DCUN1D2: variants seen among roughly 807,000 people sequenced by gnomAD.
DCUN1D2 encodes DCN1-like protein 2.
In DCUN1D2, 29 loss-of-function variants were observed where a neutral mutation model predicts 30.9. The observed-to-expected ratio is 0.94, with a 90% CI of 0.70 to 1.28. DCUN1D2 has a LOEUF of 1.28. Ranked by LOEUF, DCUN1D2 falls within the 50% of genes most tolerant of loss-of-function variation. The probability of loss-of-function intolerance (pLI) is 0.00; values close to 1 mark genes in which losing one functional copy is unlikely to be tolerated. For synonymous variants in DCUN1D2, 121 were observed against 115.3 expected, an observed-to-expected ratio of 1.05 and a Z score of -0.32; for missense variants, 325 against 316.9, an observed-to-expected ratio of 1.03 and a Z score of -0.19.
chr13:113,459,271 T>G, intron 6 of DCUN1D2, 41 bp downstream of exon 6: 1 of 1,097,740 alleles, frequency 9.1e-7, no homozygotes, highest in Non-Finnish European at 1.4e-6. Flanking sequence ...TTCTCAGGTG[T>G]AAGCATTTCG....
intron 4 of DCUN1D2, among the ~76,000 whole-genome samples, chr13:113,461,869 A>G (rs2044323827): frequency 6.6e-6 from 1 of 152,232 alleles, no homozygotes; most frequent in Non-Finnish European, 1.5e-5. Flanking sequence ...TGAAACACTG[A>G]TTTATTCTCT....
At chr13:113,478,085 T>G (rs2044647912) in intron 3 of DCUN1D2, among the ~76,000 whole-genome samples, 1 of 152,240 alleles carries the variant, frequency 6.6e-6, no homozygotes. Flanking sequence ...AAATCTTTCT[T>G]CCTTTACTTC....
intron 3 of DCUN1D2, among the ~76,000 whole-genome samples, chr13:113,479,872 G>A (rs2044677787): frequency 6.6e-6 from 1 of 152,198 alleles, no homozygotes; most frequent in Admixed American, 6.5e-5. Context: ...GACTGGCAGT[G>A]CAGTAGGTTT....
Position 113,490,317 on chromosome 13 carries a change from G to A in DCUN1D2, c.3+350C>T. 1 of 225,556 alleles carries A rather than the reference G, an allele frequency of 4.4e-6. No individual in the cohort carries two copies. The highest frequency in any genetic ancestry group is 8.6e-6 in the Non-Finnish European group (1 of 116,170). 14.0% of individuals were successfully genotyped at this position (225,556 alleles called of 1,614,324 possible). A position where few individuals can be genotyped will look rare whatever the true frequency, so the allele number is the denominator to read the frequency against. Reference sequence around the variant, plus strand: ...CGCAGGAGCAGCCGAGCCCTCGCCCGCCTCGACTGCCCGTTTCGAAGCCGC... The same window carrying A: ...CGCAGGAGCAGCCGAGCCCTCGCCCACCTCGACTGCCCGTTTCGAAGCCGC... On this transcript the variant is annotated intron_variant, in intron 1 of 6. Transcript: ENST00000478244. The surrounding 1 kb of genome is among the most constrained non-coding windows in gnomAD (Gnocchi z 5.2).
intron 1 of DCUN1D2, among the ~76,000 whole-genome samples, chr13:113,485,740 G>A (rs907737304): frequency 2.0e-5 from 3 of 151,694 alleles, no homozygotes; most frequent in African/African-American, 7.3e-5. Flanking sequence ...TTAAGATAAC[G>A]CTGTCCAGAT....
intron 3 of DCUN1D2, among the ~76,000 whole-genome samples, chr13:113,477,323 C>T (rs2044634113): frequency 6.6e-6 from 1 of 152,232 alleles, no homozygotes; most frequent in African/African-American, 2.4e-5. Flanking sequence ...TTACTATTTT[C>T]TCTATGGGAG....
chr13:113,465,219 T>C (rs1433069462), intron 4 of DCUN1D2, among the ~76,000 whole-genome samples: 3 of 152,194 alleles, frequency 2.0e-5, no homozygotes, highest in African/African-American at 7.2e-5. Context: ...TATCATTCAC[T>C]GAAATTTCAG....
chr13:113,489,245 T>C (rs1247647461), intron 1 of DCUN1D2: 1 of 639,976 alleles, frequency 1.6e-6, no homozygotes, highest in Non-Finnish European at 1.9e-6. Flanking sequence ...AACGCTCCTC[T>C]CCAGCATCCT....
intron 4 of DCUN1D2, among the ~76,000 whole-genome samples, chr13:113,472,577 A>G (rs1257173090): frequency 6.6e-6 from 1 of 151,994 alleles, no homozygotes; most frequent in East Asian, 1.9e-4. Flanking sequence ...CAGGGAACGC[A>G]CTCGCCCCCG....
At chr13:113,481,865 C>CAAAAAAAAAAAAAAAAAAAAAAAAA (rs60598722) in intron 2 of DCUN1D2, among the ~76,000 whole-genome samples, 1 of 112,012 alleles carries the variant, frequency 8.9e-6, no homozygotes, top group African/African-American at 3.0e-5. Flanking sequence ...GCCTGGGTGA[C>CAAAAAAAAAAAAAAAAAAAAAAAAA]AAAAAAAAAA....
chr13:113,473,330 T>C (rs1444599500), intron 4 of DCUN1D2, among the ~76,000 whole-genome samples: 3 of 152,216 alleles, frequency 2.0e-5, no homozygotes, highest in African/African-American at 7.2e-5. Context: ...CCACCTTCAC[T>C]GCAGTCCCTG....
At chr13:113,461,384 CT>C (rs1399838882) in intron 4 of DCUN1D2, among the ~76,000 whole-genome samples, 1 of 152,202 alleles carries the variant, frequency 6.6e-6, no homozygotes, top group Non-Finnish European at 1.5e-5. Context: ...CAATTCCCCC[CT>C]AATTAATCAG....
At chr13:113,468,392 G>A (rs2139694172) in intron 4 of DCUN1D2, among the ~76,000 whole-genome samples, 1 of 152,332 alleles carries the variant, frequency 6.6e-6, no homozygotes, top group African/African-American at 2.4e-5. Context: ...GGAGTGGGGA[G>A]CCAGTGTTTG....
At position 113,490,321 on chromosome 13, in the gene DCUN1D2, C is replaced by G; in HGVS notation, c.3+346G>C. 4.3e-6 allele frequency: 1 copy of G among 232,220 alleles called. No individual in the cohort carries two copies. The highest frequency in any genetic ancestry group is 8.3e-6 in the Non-Finnish European group (1 of 120,358). 14.4% of individuals were successfully genotyped at this position (232,220 alleles called of 1,614,324 possible). A position where few individuals can be genotyped will look rare whatever the true frequency, so the allele number is the denominator to read the frequency against. ...GGAGCAGCCGAGCCCTCGCCCGCCT[C>G]GACTGCCCGTTTCGAAGCCGCCCTG... On this transcript the variant is annotated intron_variant, in intron 1 of 6. Transcript: ENST00000478244. This position sits in a 1 kb window ranked among gnomAD's most constrained non-coding sequence, Gnocchi z 5.2.
chr13:113,485,203 T>C (rs560647153), intron 1 of DCUN1D2, among the ~76,000 whole-genome samples: 1 of 152,328 alleles, frequency 6.6e-6, no homozygotes, highest in Non-Finnish European at 1.5e-5. Flanking sequence ...TGCTAACGTT[T>C]TACAAAAATG....
rs1257940653 is a variant in DCUN1D2 at position 113,457,268 on chromosome 13, A to C, written c.*761T>G. 1.3e-5 allele frequency: 2 copies of C among 152,238 alleles called. No homozygotes were observed. Among genetic ancestry groups the C allele is most frequent in the African/African-American group, 4.8e-5 (2 of 41,460 alleles). 9.4% of individuals were successfully genotyped at this position (152,238 alleles called of 1,614,324 possible). Reference sequence around the variant, plus strand: ...TTAAATGTAATTAAAATATATTTTAAAAAAACATACTTTATGAAGCTTCTC... The same window carrying C: ...TTAAATGTAATTAAAATATATTTTACAAAAACATACTTTATGAAGCTTCTC... On this transcript the variant is annotated 3_prime_UTR_variant, in exon 7 of 7. Coordinates refer to ENST00000478244, the MANE Select transcript of DCUN1D2 (RefSeq NM_001014283.2).
At chr13:113,484,100 A>G in intron 1 of DCUN1D2, 44 bp from the exon 2 acceptor site, 1 of 1,608,054 alleles carries the variant, frequency 6.2e-7, no homozygotes, top group Non-Finnish European at 8.5e-7. Flanking sequence ...AAGCCGCTCC[A>G]GGTTTGTCCC....
upstream of DCUN1D2, chr13:113,490,921 G>A (rs912393444): frequency 3.5e-5 from 8 of 229,604 alleles, no homozygotes; most frequent in Non-Finnish European, 6.6e-5. This position sits in a 1 kb window ranked among gnomAD's most constrained non-coding sequence, Gnocchi z 5.2. Context: ...CCAGCCTGCG[G>A]CTGCCAGGCC....
intron 4 of DCUN1D2, among the ~76,000 whole-genome samples, chr13:113,473,640 C>T (rs141017658): frequency 5.9e-5 from 9 of 152,200 alleles, no homozygotes; most frequent in South Asian, 2.1e-4. Flanking sequence ...TTCAGGTACG[C>T]GGTATTATAA....
Sources: allele counts gnomAD v4.1 joint callset (sites outside exome capture counted in the v4.1 genomes callset), GRCh38; gene constraint gnomAD v4.1.1; non-coding constraint Gnocchi (gnomAD v3.1); transcripts MANE v1.5; gene names NCBI Gene and HGNC (gene_info 2026-07-23, HGNC 2026-07-21).